Variants in MAGI1 observed in about 807,000 individuals in gnomAD.
MAGI1 encodes membrane-associated guanylate kinase, WW and PDZ domain-containing protein 1.
In MAGI1, 58 loss-of-function variants were observed where a neutral mutation model predicts 139.9. That is an observed-to-expected ratio of 0.41 (90% CI 0.34 to 0.52). The LOEUF (loss-of-function observed/expected upper bound fraction) is 0.52. MAGI1 is among the 20% of genes least tolerant of loss of function. MAGI1 has a pLI of 0.12. For synonymous variants in MAGI1, 812 were observed against 737.9 expected (o/e 1.10, Z -1.63); for missense variants, 1,874 against 1,901.6 (o/e 0.99, Z 0.27).
intron 1 of MAGI1, among the ~76,000 whole-genome samples, chr3:65,976,671 C>G (rs776210835): frequency 6.6e-6 from 1 of 152,086 alleles, no homozygotes; most frequent in Non-Finnish European, 1.5e-5. Flanking sequence ...ATGAGTTTGT[C>G]GATGGCTAAA....
intron 10 of MAGI1, among the ~76,000 whole-genome samples, chr3:65,433,814 C>CT (rs1253579346): frequency 2.6e-5 from 4 of 152,068 alleles, no homozygotes; most frequent in Non-Finnish European, 5.9e-5. Context: ...AGAAATGTCA[C>CT]TTCTTGACAC....
chr3:65,917,762 T>A (rs879878010), intron 1 of MAGI1, among the ~76,000 whole-genome samples: 1 of 152,132 alleles, frequency 6.6e-6, no homozygotes, highest in Admixed American at 6.5e-5. Context: ...AGTAAAAAGA[T>A]CAAAAGTTAG....
chr3:65,540,675 T>C (rs145374828), intron 2 of MAGI1, among the ~76,000 whole-genome samples: 34 of 152,314 alleles, frequency 2.2e-4, no homozygotes, highest in African/African-American at 8.2e-4. Context: ...GTTTGCCAGG[T>C]GCTAAGAAAG....
chr3:65,792,622 T>C (rs1246962614), intron 1 of MAGI1, among the ~76,000 whole-genome samples: 2 of 152,074 alleles, frequency 1.3e-5, no homozygotes, highest in Non-Finnish European at 2.9e-5. Flanking sequence ...AGCACTAGGA[T>C]ACTGTCCCAC....
chr3:65,964,172 C>A (rs1368007916), intron 1 of MAGI1, among the ~76,000 whole-genome samples: 1 of 152,206 alleles, frequency 6.6e-6, no homozygotes, highest in East Asian at 1.9e-4. Context: ...AATATCCTGT[C>A]CCTGTCTCAT....
intron 1 of MAGI1, among the ~76,000 whole-genome samples, chr3:65,931,783 G>T (rs2062818537): frequency 1.3e-5 from 2 of 152,066 alleles, no homozygotes; most frequent in Admixed American, 6.5e-5. Flanking sequence ...CATTACATGT[G>T]GATTTGAACC....
chr3:65,819,331 T>C (rs1234920680), intron 1 of MAGI1, among the ~76,000 whole-genome samples: 2 of 152,236 alleles, frequency 1.3e-5, no homozygotes, highest in Admixed American at 6.5e-5. Flanking sequence ...ACAAGGCATA[T>C]GATCTCCCAG....
At chr3:65,697,174 G>A (rs1047553137) in intron 1 of MAGI1, among the ~76,000 whole-genome samples, 4 of 151,964 alleles carry the variant, frequency 2.6e-5, no homozygotes, top group African/African-American at 9.7e-5. Context: ...ACTAAACCAG[G>A]AAGAAGTTGA....
At chr3:65,499,597 T>C (rs2077004451) in intron 2 of MAGI1, among the ~76,000 whole-genome samples, 1 of 151,926 alleles carries the variant, frequency 6.6e-6, no homozygotes, top group Non-Finnish European at 1.5e-5. Context: ...CACTCCAGCC[T>C]GGGCGACAGA....
intron 1 of MAGI1, among the ~76,000 whole-genome samples, chr3:65,929,300 A>T (rs2062679142): frequency 6.6e-6 from 1 of 152,098 alleles, no homozygotes. Context: ...TAGGCTTTCT[A>T]AAATTGACAA....
chr3:65,830,763 C>T (rs1348744961), intron 1 of MAGI1, among the ~76,000 whole-genome samples: 3 of 152,022 alleles, frequency 2.0e-5, no homozygotes, highest in Non-Finnish European at 4.4e-5. Context: ...GTTGTAATAC[C>T]CTCCATGTTT....
At chr3:65,895,495 C>T (rs1419036389) in intron 1 of MAGI1, among the ~76,000 whole-genome samples, 8 of 152,202 alleles carry the variant, frequency 5.3e-5, no homozygotes, top group African/African-American at 1.7e-4. Flanking sequence ...TTCGAGAAGG[C>T]AAGGCATGGT....
chr3:65,812,698 A>G (rs1301025301), intron 1 of MAGI1, among the ~76,000 whole-genome samples: 2 of 109,228 alleles, frequency 1.8e-5, no homozygotes, highest in African/African-American at 3.7e-5. Context: ...AAGTTAGTTT[A>G]CTTTTTTTTT....
intron 2 of MAGI1, among the ~76,000 whole-genome samples, chr3:65,591,183 A>G (rs755165976): frequency 2.0e-5 from 3 of 152,134 alleles, no homozygotes; most frequent in Non-Finnish European, 2.9e-5. Flanking sequence ...GAGAGTCCTG[A>G]CTGTCAAGCT....
intron 1 of MAGI1, among the ~76,000 whole-genome samples, chr3:65,981,805 T>C (rs7651988): frequency 0.46 from 69,971 of 152,010 alleles, 18,221 homozygotes; most frequent in East Asian, 0.63. Context: ...ACATGTCTTT[T>C]ACCTTCCACC....
intron 1 of MAGI1, among the ~76,000 whole-genome samples, chr3:65,636,702 A>G (rs1031283196): frequency 7.1e-6 from 1 of 140,438 alleles, no homozygotes; most frequent in Non-Finnish European, 1.5e-5. Flanking sequence ...GGGAAAACAC[A>G]TACACACACA....
At chr3:65,644,794 C>G (rs2085167992) in intron 1 of MAGI1, among the ~76,000 whole-genome samples, 2 of 151,882 alleles carry the variant, frequency 1.3e-5, no homozygotes. Flanking sequence ...GTCAGGAGTT[C>G]AAGACCAGCC....
At chr3:65,450,830 C>T (rs1441473747) in intron 6 of MAGI1, among the ~76,000 whole-genome samples, 2 of 152,112 alleles carry the variant, frequency 1.3e-5, no homozygotes, top group Non-Finnish European at 2.9e-5. Flanking sequence ...GTATGACCTA[C>T]AGAGAACAGA....
intron 1 of MAGI1, among the ~76,000 whole-genome samples, chr3:65,911,904 G>A (rs2061684680): frequency 6.6e-6 from 1 of 152,088 alleles, no homozygotes; most frequent in South Asian, 2.1e-4. Flanking sequence ...CTCATTATAG[G>A]TAGGGTTATC....
Sources: allele counts gnomAD v4.1 joint callset (sites outside exome capture counted in the v4.1 genomes callset), GRCh38; gene constraint gnomAD v4.1.1; transcripts MANE v1.5; gene names NCBI Gene and HGNC (gene_info 2026-07-23, HGNC 2026-07-21).